The following ATAD2B variants were observed in gnomAD, a reference collection of about 807,000 sequenced individuals.
ATAD2B encodes ATPase family AAA domain-containing protein 2B.
Under a neutral mutation model 167.6 loss-of-function variants are expected in ATAD2B, and 40 were observed. The observed-to-expected ratio is 0.24, with a 90% CI of 0.19 to 0.31. ATAD2B has a LOEUF of 0.31. Ranked by LOEUF, ATAD2B falls within the 10% of genes least tolerant of loss-of-function variation. The probability of loss-of-function intolerance (pLI) is 1.00; values close to 1 mark genes in which losing one functional copy is unlikely to be tolerated. For missense variants in ATAD2B, 1,242 were observed against 1,757.2 expected (o/e 0.71, Z 5.24); for synonymous variants, 579 against 596.5 (o/e 0.97, Z 0.43).
In ATAD2B at chr2:23,810,488, T is replaced by C. The variant is rs1276631805; in HGVS notation, c.2282A>G (p.Gln761Arg). 6.2e-7 allele frequency: 1 copy of C among 1,613,582 alleles called. No individual in the cohort carries two copies. The highest frequency in any genetic ancestry group is 1.3e-5 in the African/African-American group (1 of 74,926). The change falls in exon 18 of 28, where the codon CAG becomes CGG. Residue 761 changes from glutamine to arginine, a missense_variant. Physicochemically the swap from Gln to Arg is conservative, Grantham distance 43. This residue lies in a region of ATAD2B where 145 missense variants were observed against 181.9 expected (regional missense o/e 0.80). Coordinates refer to ENST00000238789, the MANE Select transcript of ATAD2B (RefSeq NM_017552.4). ...TAAGCGTGGCCTGTAAGAGGTTGGC[T>C]GATGATATGGTGACCTGTAATACAT... ...YLHFTMSPYH[Q>R]PTSYRPRLLL... is the part of the protein sequence containing the mutation.
downstream of ATAD2B, chr2:23,748,617 A>G (rs1283470781): frequency 6.6e-6 from 1 of 152,198 alleles, no homozygotes; most frequent in Non-Finnish European, 1.5e-5. Flanking sequence ...GAAAAGTAGC[A>G]CTGCATTTGT....
chr2:23,919,845 CAA>C (rs369120454), intron 1 of ATAD2B, among the ~76,000 whole-genome samples: 34 of 91,812 alleles, frequency 3.7e-4, no homozygotes, highest in Admixed American at 8.5e-4. Flanking sequence ...AACTCTGTTT[CAA>C]AAAAAAAAAA....
Position 23,864,525 on chromosome 2 carries a change from G to A in ATAD2B, c.1304+284C>T, listed in dbSNP as rs557249944. On this transcript the variant is annotated intron_variant, in intron 11 of 27. Transcript: ENST00000238789. The stretch of plus-strand genomic sequence containing the variant: ...TATAGCATCAAACTCGATGCACTGG[G>A]AGCCAAATTCAGAAAAACCCATCTG... Among the ~76,000 whole-genome samples the A allele has an allele frequency of 2.3e-3, 347 of 152,166 alleles. 2 individuals carry two copies. Among genetic ancestry groups the A allele is most frequent in the Non-Finnish European group, 1.6e-3 (110 of 68,002 alleles).
At chr2:23,700,191 C>T in the ATAD2B span, among the ~76,000 whole-genome samples, 1 of 152,228 alleles carries the variant, frequency 6.6e-6, no homozygotes, top group Non-Finnish European at 1.5e-5. The surrounding 1 kb of genome is among the most constrained non-coding windows in gnomAD (Gnocchi z 4.6). Context: ...AGCATGTAAA[C>T]ACAATTAAAC....
the ATAD2B span, among the ~76,000 whole-genome samples, chr2:23,702,142 A>T: frequency 5.3e-5 from 8 of 150,318 alleles, no homozygotes; most frequent in South Asian, 1.7e-3. Flanking sequence ...CTTTTTAACT[A>T]CCCCCCACTT....
the ATAD2B span, among the ~76,000 whole-genome samples, chr2:23,733,226 A>G: frequency 6.6e-6 from 1 of 152,140 alleles, no homozygotes; most frequent in Admixed American, 6.5e-5. Flanking sequence ...TCAAAGCAAC[A>G]AAGATCACCC....
intron 13 of ATAD2B, among the ~76,000 whole-genome samples, chr2:23,849,069 A>G (rs1359336272): frequency 6.6e-6 from 1 of 152,178 alleles, no homozygotes; most frequent in Non-Finnish European, 1.5e-5. Flanking sequence ...AAAGAAACAG[A>G]AAAAGAAAAC....
At chr2:23,915,279 A>G (rs1039400254) in intron 1 of ATAD2B, among the ~76,000 whole-genome samples, 1 of 152,134 alleles carries the variant, frequency 6.6e-6, no homozygotes, top group Non-Finnish European at 1.5e-5. Context: ...TCTATCATCT[A>G]AACATGTTAA....
chr2:23,752,233 G>A, intron 27 of ATAD2B, 146 bp from the exon 28 acceptor site: 1 of 646,866 alleles, frequency 1.5e-6, no homozygotes, highest in Admixed American at 2.7e-5. Context: ...AATACCATAG[G>A]TAATTAAGAC....
At chr2:23,851,283 C>A (rs983286846) in intron 13 of ATAD2B, among the ~76,000 whole-genome samples, 1 of 152,006 alleles carries the variant, frequency 6.6e-6, no homozygotes, top group Non-Finnish European at 1.5e-5. Context: ...GTAGCTAGGA[C>A]GAGAGGCACA....
chr2:23,821,508 T>C (rs1362497249), intron 16 of ATAD2B, among the ~76,000 whole-genome samples: 1 of 152,250 alleles, frequency 6.6e-6, no homozygotes, highest in Non-Finnish European at 1.5e-5. Flanking sequence ...TTCCATGTGG[T>C]ATCTTATGTG....
At chr2:23,817,650 T>C (rs1166329332) in intron 17 of ATAD2B, among the ~76,000 whole-genome samples, 1 of 152,192 alleles carries the variant, frequency 6.6e-6, no homozygotes, top group Non-Finnish European at 1.5e-5. Flanking sequence ...ATACAATGCC[T>C]GGCATAGGGT....
chr2:23,791,037 C>T (rs1233483085), intron 19 of ATAD2B, among the ~76,000 whole-genome samples: 1 of 152,218 alleles, frequency 6.6e-6, no homozygotes, highest in African/African-American at 2.4e-5. Context: ...CTCTTCTAGA[C>T]ATTTTGTATC....
At chr2:23,853,737 AC>A (rs1692924756) in intron 13 of ATAD2B, among the ~76,000 whole-genome samples, 1 of 152,228 alleles carries the variant, frequency 6.6e-6, no homozygotes, top group South Asian at 2.1e-4. Context: ...ATAGATGACT[AC>A]AACAATTCTG....
intron 1 of ATAD2B, among the ~76,000 whole-genome samples, chr2:23,908,636 G>A (rs1316694622): frequency 2.6e-5 from 4 of 151,950 alleles, no homozygotes; most frequent in Admixed American, 2.6e-4. Context: ...CCCATTACTG[G>A]GTATATACCC....
At chr2:23,729,849 T>C in the ATAD2B span, among the ~76,000 whole-genome samples, 5 of 152,106 alleles carry the variant, frequency 3.3e-5, no homozygotes, top group East Asian at 1.9e-4. Context: ...CAAGAACTCA[T>C]AACAATCCAA....
At chr2:23,713,157 C>A in the ATAD2B span, among the ~76,000 whole-genome samples, 12 of 152,386 alleles carry the variant, frequency 7.9e-5, no homozygotes, top group Non-Finnish European at 1.5e-4. Context: ...ACTACGTGTA[C>A]AGAATTCCTT....
At chr2:23,926,446 G>T (rs1025657764) in intron 1 of ATAD2B, 109 bp downstream of exon 1, 6 of 1,431,890 alleles carry the variant, frequency 4.2e-6, no homozygotes, top group Non-Finnish European at 5.5e-6. Context: ...GTCTCCAGCC[G>T]CCCGAGCGGT....
chr2:23,834,438 G>A (rs1033650612), intron 13 of ATAD2B, among the ~76,000 whole-genome samples: 3 of 151,800 alleles, frequency 2.0e-5, no homozygotes, highest in Admixed American at 1.3e-4. Flanking sequence ...CTGGGATTAC[G>A]GACGTGAGCC....
Sources: gnomAD v4.1 joint callset for allele counts (sites outside exome capture counted in the v4.1 genomes callset) on GRCh38, gnomAD v4.1.1 for gene constraint, gnomAD v4.1.1 regional missense constraint, Gnocchi (gnomAD v3.1) non-coding constraint, MANE v1.5 for transcripts, NCBI Gene and HGNC (gene_info 2026-07-23, HGNC 2026-07-21) for gene names.